CCDC186: variants seen among roughly 807,000 people sequenced by gnomAD.
The protein encoded by CCDC186 is coiled-coil domain-containing protein 186.
CCDC186 carries 49 observed loss-of-function variants against 113.7 expected under a neutral mutation model. That is an observed-to-expected ratio of 0.43 (90% CI 0.34 to 0.55). CCDC186 has a LOEUF of 0.55. CCDC186 is among the 20% of genes least tolerant of loss of function. CCDC186 has a pLI of 0.02. For missense variants in CCDC186, 890 were observed against 1,011.1 expected (o/e 0.88, Z 1.62); for synonymous variants, 355 against 345.8 (o/e 1.03, Z -0.30).
rs113258808 is a variant in CCDC186 at position 114,165,512 on chromosome 10, C to T, written c.-61-2183G>A. ...TTCAAGACCAACCTGGCCAAGACGA[C>T]GAAACCCTGTCTCTACTAAAAATAC... is the stretch of plus-strand genomic sequence containing the variant. On this transcript the variant is annotated intron_variant, in intron 1 of 15. Transcript: ENST00000369287. 1.4e-3 allele frequency among the ~76,000 whole-genome samples: 210 copies of T among 152,140 alleles called. 2 individuals carry two copies. Among genetic ancestry groups the T allele is most frequent in the African/African-American group, 4.7e-3 (196 of 41,500 alleles).
At chr10:114,168,353 T>G (rs2032394176) in intron 1 of CCDC186, 1 of 152,204 alleles carries the variant, frequency 6.6e-6, no homozygotes, top group African/African-American at 2.4e-5. Flanking sequence ...TTCTACAAAA[T>G]TATTTCCATA....
chr10:114,126,172 T>A (rs923420472), intron 14 of CCDC186, 67 bp from the exon 15 acceptor site: 4 of 1,178,742 alleles, frequency 3.4e-6, no homozygotes, highest in Admixed American at 4.2e-5. Context: ...TCTGCAAAAG[T>A]CAACTAATCA....
In CCDC186 at chr10:114,162,992, T is replaced by C. The variant is rs2032224703; in HGVS notation, c.277A>G (p.Ile93Val). 1 of 1,613,960 alleles carries C rather than the reference T, an allele frequency of 6.2e-7. No homozygotes were observed. The highest frequency in any genetic ancestry group is 1.3e-5 in the African/African-American group (1 of 74,946). ...TDTGSENSEQIANFPSGNFAK... is the reference protein window; with the variant it reads ...TDTGSENSEQVANFPSGNFAK... ...AAATTTCCACTAGGAAAATTAGCTATTTGTTCAGAATTTTCTGAGCCTGTG... is the reference window on the plus strand; with the variant it reads ...AAATTTCCACTAGGAAAATTAGCTACTTGTTCAGAATTTTCTGAGCCTGTG... The change falls in exon 2 of 16, where the codon ATA becomes GTA. Residue 93 changes from isoleucine to valine, a missense_variant. Transcript: ENST00000369287.
At chr10:114,140,561 G>A (rs533542921) in intron 6 of CCDC186, among the ~76,000 whole-genome samples, 1 of 152,242 alleles carries the variant, frequency 6.6e-6, no homozygotes, top group African/African-American at 2.4e-5. Flanking sequence ...GCCTTAAGTC[G>A]TTCAAGATGT....
chr10:114,145,999 A>G (rs1268396851), intron 4 of CCDC186, among the ~76,000 whole-genome samples: 1 of 152,140 alleles, frequency 6.6e-6, no homozygotes. Context: ...TTCGGCTAAT[A>G]TGGTTGCTAT....
Position 114,129,004 on chromosome 10 carries a change from G to A in CCDC186, c.2182+887C>T, listed in dbSNP as rs570317919. Among the ~76,000 whole-genome samples the A allele has an allele frequency of 2.2e-4, 34 of 152,172 alleles. 1 individual carries two copies. In the South Asian group the frequency reaches 7.0e-3, roughly 32 times the overall value. On this transcript the variant is annotated intron_variant, in intron 13 of 15. Transcript: ENST00000369287. ...TGTTGCACAGAATAAAGCAGCAGCA[G>A]GCTAGAAAAAAGAAGGGGCTGGGCG... is the stretch of plus-strand genomic sequence containing the variant.
intron 4 of CCDC186, among the ~76,000 whole-genome samples, chr10:114,149,854 C>G (rs957199522): frequency 6.7e-6 from 1 of 149,266 alleles, no homozygotes; most frequent in Non-Finnish European, 1.5e-5. Context: ...GGCAGGCAGG[C>G]AGGAAGGCAG....
chr10:114,147,140 A>C (rs1435010088), intron 4 of CCDC186, among the ~76,000 whole-genome samples: 1 of 152,206 alleles, frequency 6.6e-6, no homozygotes, highest in Non-Finnish European at 1.5e-5. Context: ...ATCTGTACTT[A>C]GAAAAAGTCA....
At chr10:114,142,095 A>G (rs1429361295) in intron 6 of CCDC186, among the ~76,000 whole-genome samples, 1 of 152,116 alleles carries the variant, frequency 6.6e-6, no homozygotes, top group Non-Finnish European at 1.5e-5. Context: ...TAAGAAGCCC[A>G]TTCTGGCTTC....
chr10:114,150,110 A>G (rs953503700), intron 4 of CCDC186, among the ~76,000 whole-genome samples: 3 of 152,234 alleles, frequency 2.0e-5, no homozygotes, highest in Non-Finnish European at 2.9e-5. Flanking sequence ...CCAGAATGCC[A>G]TCTACAGTAG....
Position 114,127,486 on chromosome 10 carries a change from C to T in CCDC186, c.2368G>A (p.Val790Met). The T allele has an allele frequency of 6.2e-7, 1 of 1,613,924 alleles. No individual in the cohort carries two copies. Among genetic ancestry groups the T allele is most frequent in the Non-Finnish European group, 8.5e-7 (1 of 1,179,948 alleles). Residue 790 changes from valine (V) to methionine (M), a missense_variant, in exon 14 of 16, where the codon GTG becomes ATG. Transcript: ENST00000369287. ...TTTGTTTTTTTCCTAATTTCTTCCACCAGTTGTTTGATGTGGTCCTCCATA... is the reference window on the plus strand; with the variant it reads ...TTTGTTTTTTTCCTAATTTCTTCCATCAGTTGTTTGATGTGGTCCTCCATA... Reference protein sequence around the residue: ...EFMEDHIKQLVEEIRKKTKII... With the variant: ...EFMEDHIKQLMEEIRKKTKII...
At chr10:114,144,733 T>TAGCCC (rs1385555599) in intron 5 of CCDC186, 117 bp from the exon 6 acceptor site, 9 of 851,470 alleles carry the variant, frequency 1.1e-5, no homozygotes, top group Non-Finnish European at 1.6e-5. Flanking sequence ...TGGCACACTA[T>TAGCCC]AGCCCACAGA....
At chr10:114,139,783 G>A (rs1237203492) in intron 6 of CCDC186, among the ~76,000 whole-genome samples, 3 of 152,038 alleles carry the variant, frequency 2.0e-5, no homozygotes, top group Admixed American at 2.0e-4. Context: ...TCAATGGACA[G>A]GGAGGGAGAA....
At chr10:114,155,684 A>G (rs2031990672) in intron 3 of CCDC186, among the ~76,000 whole-genome samples, 1 of 152,070 alleles carries the variant, frequency 6.6e-6, no homozygotes, top group Non-Finnish European at 1.5e-5. Flanking sequence ...TCAAAGATAA[A>G]ATAAAATAAA....
In CCDC186 at chr10:114,145,667, T is replaced by C; in HGVS notation, c.983A>G (p.Glu328Gly). Reference protein sequence around the residue: ...GEKESLDLRKEKETLEKKLRD... With the variant: ...GEKESLDLRKGKETLEKKLRD... ...AAGTTTTTTCTCAAGTGTCTCTTTTTCCTTTCGAAGATCTAAAGATTCCTT... is the reference window on the plus strand; with the variant it reads ...AAGTTTTTTCTCAAGTGTCTCTTTTCCCTTTCGAAGATCTAAAGATTCCTT... Residue 328 changes from glutamate (E) to glycine (G), a missense_variant, in exon 5 of 16, where the codon GAA (glutamate) becomes GGA (glycine). By Grantham distance (98) the Glu-to-Gly change is moderately conservative. Coordinates refer to ENST00000369287, the MANE Select transcript of CCDC186 (RefSeq NM_018017.4). 1.2e-6 allele frequency: 2 copies of C among 1,613,258 alleles called. No homozygotes were observed. Among genetic ancestry groups the C allele is most frequent in the East Asian group, 2.2e-5 (1 of 44,824 alleles).
intron 3 of CCDC186, 56 bp downstream of exon 3, chr10:114,157,498 A>G (rs1464497774): frequency 1.5e-5 from 23 of 1,492,170 alleles, no homozygotes; most frequent in Non-Finnish European, 2.1e-5. Flanking sequence ...GGCTGCCAGG[A>G]ATGTATTTAT....
At chr10:114,150,740 C>T (rs1398208964) in intron 4 of CCDC186, among the ~76,000 whole-genome samples, 1 of 152,154 alleles carries the variant, frequency 6.6e-6, no homozygotes, top group African/African-American at 2.4e-5. Flanking sequence ...CCTCCGCCTC[C>T]CGGGTTCAAG....
Position 114,151,169 on chromosome 10 carries a change from G to A in CCDC186, c.811C>T (p.Gln271Ter), listed in dbSNP as rs7095762. The change falls in exon 4 of 16, where the codon CAA becomes TAA. Residue 271 changes from glutamine to a stop codon, truncating the protein, a stop_gained. Transcript: ENST00000369287. LOFTEE classifies it high-confidence loss of function. The stretch of plus-strand genomic sequence containing the variant: ...GCTGTAACGTCTTGAGCTATTAGTT[G>A]ATCTCTGGAAGCTTTAACTTCTTTA... ...LNKEVKASRD[Q>*]LIAQDVTAKN... 1.2e-6 allele frequency: 2 copies of A among 1,608,862 alleles called. No homozygotes were observed. Among genetic ancestry groups the A allele is most frequent in the African/African-American group, 2.7e-5 (2 of 74,640 alleles).
At chr10:114,164,186 T>A (rs536656706) in intron 1 of CCDC186, among the ~76,000 whole-genome samples, 34 of 140,236 alleles carry the variant, frequency 2.4e-4, no homozygotes, top group Middle Eastern at 3.9e-3. Flanking sequence ...AATGGTGAGA[T>A]CTCGGCTCAC....
Sources: allele counts gnomAD v4.1 joint callset (sites outside exome capture counted in the v4.1 genomes callset), GRCh38; gene constraint gnomAD v4.1.1; transcripts MANE v1.5; gene names NCBI Gene and HGNC (gene_info 2026-07-23, HGNC 2026-07-21).